The following BTG4 variants were observed in gnomAD, a reference collection of about 807,000 sequenced individuals.
The protein encoded by BTG4 is protein BTG4.
A neutral mutation model predicts 19.3 loss-of-function variants in BTG4; 10 were observed. The observed-to-expected ratio is 0.52, with a 90% CI of 0.32 to 0.88. The LOEUF (loss-of-function observed/expected upper bound fraction) is 0.88. Ranked by LOEUF, BTG4 falls within the 40% of genes least tolerant of loss-of-function variation. BTG4 has a pLI of 0.04. For missense variants in BTG4, 238 were observed against 281.9 expected (o/e 0.84, Z 1.11); for synonymous variants, 91 against 95.7 (o/e 0.95, Z 0.29).
the BTG4 span, among the ~76,000 whole-genome samples, chr11:111,391,060 A>T: frequency 6.6e-6 from 1 of 152,228 alleles, no homozygotes; most frequent in Non-Finnish European, 1.5e-5. Context: ...AAACAGTAAT[A>T]GAGTATGTGC....
the BTG4 span, among the ~76,000 whole-genome samples, chr11:111,435,561 A>G: frequency 1.3e-5 from 2 of 152,170 alleles, no homozygotes; most frequent in Non-Finnish European, 2.9e-5. Context: ...TGAGTAACAT[A>G]ATACTTCTGG....
At chr11:111,514,386 G>T (rs1385978611), upstream of BTG4, 2 of 258,338 alleles carry the variant, frequency 7.7e-6, no homozygotes, top group Non-Finnish European at 1.5e-5. Context: ...CACCTAGCAG[G>T]TGCTGTCCCT....
intron 5 of BTG4, among the ~76,000 whole-genome samples, chr11:111,486,362 G>T (rs764857704): frequency 6.6e-6 from 1 of 152,106 alleles, no homozygotes; most frequent in Non-Finnish European, 1.5e-5. Context: ...TTGAGCCTGG[G>T]AGGCAGAGGT....
chr11:111,422,082 C>T, the BTG4 span, among the ~76,000 whole-genome samples: 1 of 152,206 alleles, frequency 6.6e-6, no homozygotes, highest in African/African-American at 2.4e-5. Context: ...AAGAGAGAAT[C>T]TCTAATCTAT....
chr11:111,433,863 C>A, the BTG4 span, among the ~76,000 whole-genome samples: 1 of 152,170 alleles, frequency 6.6e-6, no homozygotes, highest in African/African-American at 2.4e-5. Context: ...CCATCCCATG[C>A]CAGTTAGAAT....
At chr11:111,423,866 T>C in the BTG4 span, among the ~76,000 whole-genome samples, 4 of 152,034 alleles carry the variant, frequency 2.6e-5, no homozygotes, top group Admixed American at 2.6e-4. Flanking sequence ...GAAAGGACAT[T>C]GGAACCAGGA....
the BTG4 span, among the ~76,000 whole-genome samples, chr11:111,442,545 C>CA: frequency 0.81 from 117,546 of 145,894 alleles, 47,372 homozygotes; most frequent in East Asian, 0.86. Context: ...CACACACACA[C>CA]CAGATGAGCC....
chr11:111,447,347 A>C, the BTG4 span, among the ~76,000 whole-genome samples: 1 of 152,188 alleles, frequency 6.6e-6, no homozygotes, highest in Non-Finnish European at 1.5e-5. Context: ...AAACTGGGAG[A>C]AGAGAACTAA....
At chr11:111,387,246 T>A in the BTG4 span, among the ~76,000 whole-genome samples, 1 of 152,202 alleles carries the variant, frequency 6.6e-6, no homozygotes, top group Non-Finnish European at 1.5e-5. Flanking sequence ...CTGCTACCCT[T>A]ATCTGAAGAA....
At chr11:111,459,488 C>A in the BTG4 span, 1 of 152,262 alleles carries the variant, frequency 6.6e-6, no homozygotes. Flanking sequence ...CTAAGTTGAG[C>A]CTAAAGAAAA....
the BTG4 span, among the ~76,000 whole-genome samples, chr11:111,433,947 T>C: frequency 6.6e-6 from 1 of 152,364 alleles, no homozygotes; most frequent in Non-Finnish European, 1.5e-5. Flanking sequence ...TTCACACTGT[T>C]GGTGGGAGTG....
At chr11:111,421,925 G>A in the BTG4 span, among the ~76,000 whole-genome samples, 9 of 151,904 alleles carry the variant, frequency 5.9e-5, no homozygotes, top group East Asian at 1.4e-3. Flanking sequence ...AAAAAAAAAG[G>A]CAGAAGGCAT....
the BTG4 span, chr11:111,385,066 T>A: frequency 6.6e-6 from 1 of 151,982 alleles, no homozygotes; most frequent in African/African-American, 2.4e-5. Flanking sequence ...CTGCCACTTT[T>A]GTTCTTATTA....
At chr11:111,494,601 C>T (rs562202082), downstream of BTG4, among the ~76,000 whole-genome samples, 14 of 152,134 alleles carry the variant, frequency 9.2e-5, no homozygotes, top group African/African-American at 3.1e-4. Flanking sequence ...ATCAACTTTC[C>T]CTCTAGCAAG....
At chr11:111,446,959 G>C in the BTG4 span, among the ~76,000 whole-genome samples, 1 of 152,198 alleles carries the variant, frequency 6.6e-6, no homozygotes, top group Non-Finnish European at 1.5e-5. Context: ...GGATTTGAAA[G>C]ACTTACTACA....
At chr11:111,399,030 T>A in the BTG4 span, 3 of 152,104 alleles carry the variant, frequency 2.0e-5, no homozygotes, top group African/African-American at 7.2e-5. Flanking sequence ...ATACTGAAGA[T>A]CCTAGACCAA....
At chr11:111,455,739 G>A in the BTG4 span, 1 of 436,918 alleles carries the variant, frequency 2.3e-6, no homozygotes, top group Non-Finnish European at 4.7e-6. Flanking sequence ...ACCCCTGATT[G>A]CTCCTGTGCC....
chr11:111,495,754 T>A (rs567444677), intron 4 of BTG4, among the ~76,000 whole-genome samples: 1 of 152,114 alleles, frequency 6.6e-6, no homozygotes, highest in Non-Finnish European at 1.5e-5. Context: ...ACAGGTCTGA[T>A]CCCCAAATGG....
chr11:111,472,302 G>A (rs757969697), intron 5 of BTG4, among the ~76,000 whole-genome samples: 1 of 152,102 alleles, frequency 6.6e-6, no homozygotes, highest in Non-Finnish European at 1.5e-5. Flanking sequence ...CAAGCACTAG[G>A]GACACTTCTC....
Sources: gnomAD v4.1 joint callset for allele counts (sites outside exome capture counted in the v4.1 genomes callset) on GRCh38, gnomAD v4.1.1 for gene constraint, MANE v1.5 for transcripts, NCBI Gene and HGNC (gene_info 2026-07-23, HGNC 2026-07-21) for gene names.